EIF4E2: variants seen among roughly 807,000 people sequenced by gnomAD.
The protein encoded by EIF4E2 is eukaryotic translation initiation factor 4E family member 2.
EIF4E2 carries 13 observed loss-of-function variants against 34.2 expected under a neutral mutation model. The observed-to-expected ratio is 0.38, with a 90% confidence interval of 0.25 to 0.60. The LOEUF (loss-of-function observed/expected upper bound fraction) is 0.60. EIF4E2 is among the 20% of genes least tolerant of loss of function. The pLI, the probability that EIF4E2 is intolerant of heterozygous loss-of-function variation, is 0.62. For missense variants in EIF4E2, 222 were observed against 315.1 expected (o/e 0.70, Z 2.24); for synonymous variants, 100 against 106.6 (o/e 0.94, Z 0.38).
chr2:232,558,350 T>C, intron 3 of EIF4E2: 1 of 162,596 alleles, frequency 6.2e-6, no homozygotes, highest in Non-Finnish European at 1.3e-5. Flanking sequence ...AGTGGTATCA[T>C]CTCAGCTCAT....
Position 232,581,209 on chromosome 2 carries a change from C to T in EIF4E2, c.*266C>T. 1.7e-6 allele frequency: 1 copy of T among 572,324 alleles called. No homozygotes were observed. The highest frequency in any genetic ancestry group is 3.3e-4 in the Middle Eastern group (1 of 3,076). The allele number at this position is 572,324 out of a possible 1,614,324, so 35.5% of individuals were successfully genotyped here. ...TTCCATGGGGGGGCGTTCAGCCTTT[C>T]TGTTTGCTGTGTGCTGTCCAGATGC... On this transcript the variant is annotated 3_prime_UTR_variant, in exon 7 of 7. Transcript: ENST00000409098. The surrounding 1 kb of genome is among the most constrained non-coding windows in gnomAD (Gnocchi z 5.2).
intron 6 of EIF4E2, chr2:232,568,092 T>C (rs1034200943): frequency 2.0e-6 from 2 of 985,332 alleles, no homozygotes; most frequent in African/African-American, 1.7e-5. Context: ...ATTTAATCTT[T>C]AACTGAGGGT....
intron 1 of EIF4E2, among the ~76,000 whole-genome samples, chr2:232,556,059 C>T (rs778320841): frequency 5.9e-5 from 9 of 152,132 alleles, no homozygotes; most frequent in African/African-American, 1.9e-4. Context: ...CGTTTTTAAC[C>T]TTCATTTGAA....
In EIF4E2 at chr2:232,569,049, A is replaced by C; in HGVS notation, c.*32A>C. ...CCCTCTCTGGATGGCACCATCATTGAAGCTGGCGTCATCGGAGTCTCTTGT... is the reference window on the plus strand; with the variant it reads ...CCCTCTCTGGATGGCACCATCATTGCAGCTGGCGTCATCGGAGTCTCTTGT... On this transcript the variant is annotated 3_prime_UTR_variant, in exon 7 of 7. Coordinates refer to ENST00000258416, the MANE Select transcript of EIF4E2 (RefSeq NM_004846.4). 1 of 1,612,172 alleles carries C rather than the reference A, an allele frequency of 6.2e-7. No homozygotes were observed. The highest frequency in any genetic ancestry group is 8.5e-7 in the Non-Finnish European group (1 of 1,179,214).
intron 6 of EIF4E2, among the ~76,000 whole-genome samples, chr2:232,576,592 G>A (rs1194524686): frequency 2.0e-5 from 3 of 152,132 alleles, no homozygotes; most frequent in Non-Finnish European, 2.9e-5. Context: ...TCCGTGAAGA[G>A]TGTTTGAATT....
Position 232,556,410 on chromosome 2 carries a change from A to C in EIF4E2, c.21-6A>C, listed in dbSNP as rs1559313219. 1 of 1,609,508 alleles carries C rather than the reference A, an allele frequency of 6.2e-7. No individual in the cohort carries two copies. The highest frequency in any genetic ancestry group is 8.5e-7 in the Non-Finnish European group (1 of 1,176,292). ...CAGAATTGTATTGTGTTGCCTTTCCATTCAGTTTGAAAGATGATGACAGTG... is the reference window on the plus strand; with the variant it reads ...CAGAATTGTATTGTGTTGCCTTTCCCTTCAGTTTGAAAGATGATGACAGTG... On this transcript the variant is annotated splice_polypyrimidine_tract_variant and splice_region_variant and intron_variant, in intron 1 of 6. Transcript: ENST00000258416.
In EIF4E2 at chr2:232,576,273, G is replaced by A. The variant is rs531851358; in HGVS notation, c.666-4631G>A. On this transcript the variant is annotated intron_variant, in intron 6 of 6. Coordinates refer to the EIF4E2 transcript ENST00000409098. The stretch of plus-strand genomic sequence containing the variant: ...GTTTTGTCATAGTTTAATGGGCAGT[G>A]TTTACTTCTTAAAGTACATAAAATG... Among the ~76,000 whole-genome samples, 3 of 152,176 alleles carry A rather than the reference G, an allele frequency of 2.0e-5. No individual in the cohort carries two copies. In the South Asian group the frequency reaches 6.2e-4, roughly 32 times the overall value.
At chr2:232,550,797 G>T (rs1692279351) in intron 1 of EIF4E2, 53 bp downstream of exon 1, 1 of 1,492,508 alleles carries the variant, frequency 6.7e-7, no homozygotes, top group Non-Finnish European at 9.0e-7. Flanking sequence ...GTTCCCCCGC[G>T]CCCGCCCCCG....
downstream of EIF4E2, chr2:232,573,748 T>G: frequency 7.2e-6 from 2 of 277,894 alleles, no homozygotes; most frequent in Non-Finnish European, 1.4e-5. Flanking sequence ...GTAGAAGGGT[T>G]AGAAGGTCGG....
intron 6 of EIF4E2, among the ~76,000 whole-genome samples, chr2:232,577,163 C>G (rs1477283781): frequency 6.6e-6 from 1 of 152,206 alleles, no homozygotes; most frequent in Non-Finnish European, 1.5e-5. Context: ...AGACGAGAGA[C>G]TGGAATTTGC....
At chr2:232,568,431 T>C in intron 6 of EIF4E2, 13 of 985,368 alleles carry the variant, frequency 1.3e-5, no homozygotes, top group Non-Finnish European at 1.6e-5. Flanking sequence ...AGCAGTCCTG[T>C]GTTAGCATTG....
At chr2:232,568,012 A>G (rs1692995032) in intron 6 of EIF4E2, 2 of 979,766 alleles carry the variant, frequency 2.0e-6, no homozygotes, top group Non-Finnish European at 2.4e-6. Flanking sequence ...TGTCTTTGCA[A>G]CTTTGCTTCA....
At chr2:232,571,863 G>A (rs893518592), downstream of EIF4E2, among the ~76,000 whole-genome samples, 5 of 152,214 alleles carry the variant, frequency 3.3e-5, no homozygotes, top group East Asian at 9.6e-4. Flanking sequence ...TAGGCAAAGC[G>A]AAGAGAGCCC....
At chr2:232,565,073 C>T (rs1692873722) in intron 4 of EIF4E2, among the ~76,000 whole-genome samples, 1 of 152,170 alleles carries the variant, frequency 6.6e-6, no homozygotes, top group Non-Finnish European at 1.5e-5. Context: ...TTCGGCTGCG[C>T]CCTGGTGTAG....
downstream of EIF4E2, among the ~76,000 whole-genome samples, chr2:232,573,282 G>A (rs1574676203): frequency 6.6e-6 from 1 of 152,216 alleles, no homozygotes; most frequent in African/African-American, 2.4e-5. Context: ...CATAAATGTA[G>A]TGTATTGTCA....
At chr2:232,567,572 C>T in intron 6 of EIF4E2, 1 of 1,211,312 alleles carries the variant, frequency 8.3e-7, no homozygotes, top group East Asian at 3.7e-5. Context: ...TTCACCCTGC[C>T]CACCCTCACC....
chr2:232,552,114 T>C (rs1438131979), intron 1 of EIF4E2, among the ~76,000 whole-genome samples: 1 of 152,176 alleles, frequency 6.6e-6, no homozygotes, highest in Non-Finnish European at 1.5e-5. Context: ...GAAGACATCT[T>C]ATGGGTCATC....
At position 232,575,475 on chromosome 2, in the gene EIF4E2, A is replaced by G. The variant is rs191981419; in HGVS notation, c.666-5429A>G. ...TGATTCTCTTTAAGATATAGTCAACATTAGTGCCTGGTATCATGGCACACG... is the reference window on the plus strand; with the variant it reads ...TGATTCTCTTTAAGATATAGTCAACGTTAGTGCCTGGTATCATGGCACACG... On this transcript the variant is annotated intron_variant, in intron 6 of 6. Transcript: ENST00000409098. 1.7e-3 allele frequency among the ~76,000 whole-genome samples: 260 copies of G among 152,352 alleles called. 1 individual carries two copies. The highest frequency in any genetic ancestry group is 5.9e-3 in the African/African-American group (244 of 41,588).
downstream of EIF4E2, among the ~76,000 whole-genome samples, chr2:232,572,245 TG>T (rs1372249789): frequency 2.0e-5 from 3 of 152,314 alleles, no homozygotes; most frequent in Non-Finnish European, 2.9e-5. Flanking sequence ...TAGTTTTAGG[TG>T]GTAGATTTGC....
Sources: gnomAD v4.1 joint callset for allele counts (sites outside exome capture counted in the v4.1 genomes callset) on GRCh38, gnomAD v4.1.1 for gene constraint, Gnocchi (gnomAD v3.1) non-coding constraint, MANE v1.5 for transcripts, NCBI Gene and HGNC (gene_info 2026-07-23, HGNC 2026-07-21) for gene names.